The following MEF2C variants were observed in gnomAD, a reference collection of about 807,000 sequenced individuals.
MEF2C encodes the protein myocyte enhancer factor 2C.
A neutral mutation model predicts 50.5 loss-of-function variants in MEF2C; 6 were observed. The ratio of observed to expected loss-of-function variants is 0.12; its 90% CI spans 0.07 to 0.23. The LOEUF is 0.23. Among genes scored for constraint, MEF2C ranks in the 10% least tolerant of loss-of-function variants. MEF2C has a pLI of 1.00. For synonymous variants in MEF2C, 183 were observed against 228.0 expected (o/e 0.80, Z 1.78); for missense variants, 276 against 605.0 (o/e 0.46, Z 5.70).
intron 1 of MEF2C, among the ~76,000 whole-genome samples, chr5:88,854,867 A>G (rs1822712307): frequency 1.3e-5 from 2 of 152,242 alleles, no homozygotes; most frequent in African/African-American, 4.8e-5. Flanking sequence ...GTGATATGAA[A>G]AAAGGACTGC....
At chr5:88,808,768 T>C (rs1801563752) in intron 2 of MEF2C, among the ~76,000 whole-genome samples, 1 of 152,196 alleles carries the variant, frequency 6.6e-6, no homozygotes, top group Non-Finnish European at 1.5e-5. Context: ...TAAAGAGATC[T>C]GGAATATAAC....
chr5:88,858,258 T>A (rs12515983), intron 1 of MEF2C, among the ~76,000 whole-genome samples: 6,054 of 152,268 alleles, frequency 0.04, 185 homozygotes, highest in South Asian at 0.058. Context: ...CATTCAAGCC[T>A]CACCAATCTT....
At chr5:88,768,787 A>T in intron 3 of MEF2C, 1 of 626,410 alleles carries the variant, frequency 1.6e-6, no homozygotes. Flanking sequence ...ACACTACGTT[A>T]AAACTCAATG....
At chr5:88,741,686 CT>C in intron 6 of MEF2C, 2 of 978,906 alleles carry the variant, frequency 2.0e-6, no homozygotes, top group Non-Finnish European at 1.2e-6. Flanking sequence ...TATAGCAGGG[CT>C]TTTTCCTCCT....
chr5:88,808,441 A>G (rs952907229), intron 2 of MEF2C, among the ~76,000 whole-genome samples: 1 of 152,148 alleles, frequency 6.6e-6, no homozygotes, highest in Non-Finnish European at 1.5e-5. Context: ...AATATCATTA[A>G]TGTCACTATT....
At chr5:88,818,946 T>C (rs1169403998) in intron 2 of MEF2C, among the ~76,000 whole-genome samples, 5 of 152,136 alleles carry the variant, frequency 3.3e-5, no homozygotes, top group Non-Finnish European at 5.9e-5. Context: ...ATAGGTAAAT[T>C]TATTGAGCAC....
Position 88,782,058 on chromosome 5 carries a change from A to T in MEF2C, c.259-20730T>A, listed in dbSNP as rs1212394412. 3 of 808,800 alleles carry T rather than the reference A, an allele frequency of 3.7e-6. No homozygotes were observed. The African/African-American group carries it at 5.6e-5, about 15-fold the overall frequency. The allele number at this position is 808,800 out of a possible 1,614,324, so 50.1% of individuals were successfully genotyped here. ...CCAGGAGTTTGAGAAGAGCCCAGGCAACCTAGCGAGACTCTGTCTAAAAAT... is the reference window on the plus strand; with the variant it reads ...CCAGGAGTTTGAGAAGAGCCCAGGCTACCTAGCGAGACTCTGTCTAAAAAT... On this transcript the variant is annotated intron_variant, in intron 3 of 10. Transcript: ENST00000504921.
chr5:88,780,788 G>A, intron 3 of MEF2C: 2 of 985,406 alleles, frequency 2.0e-6, no homozygotes, highest in Non-Finnish European at 2.4e-6. Context: ...GGACACTTGT[G>A]TTATCCTTGC....
chr5:88,743,647 T>A (rs1342366901), intron 6 of MEF2C: 2 of 985,276 alleles, frequency 2.0e-6, no homozygotes, highest in Non-Finnish European at 2.4e-6. Context: ...TCAAAGGTGC[T>A]GAGTCATGAC....
At chr5:88,768,730 A>G in intron 3 of MEF2C, 1 of 982,114 alleles carries the variant, frequency 1.0e-6, no homozygotes, top group Non-Finnish European at 1.2e-6. Context: ...TCAGTGCAGT[A>G]TTTTGCAACT....
chr5:88,818,979 C>T (rs185018963), intron 2 of MEF2C, among the ~76,000 whole-genome samples: 35 of 152,034 alleles, frequency 2.3e-4, no homozygotes, highest in African/African-American at 7.0e-4. Context: ...GGGTGCTTTA[C>T]ATTTATTGCT....
At chr5:88,771,374 AC>A (rs1348216211) in intron 3 of MEF2C, 7 of 923,854 alleles carry the variant, frequency 7.6e-6, no homozygotes, top group Non-Finnish European at 9.0e-6. Flanking sequence ...AGTTACACAA[AC>A]CTTAATTGTC....
intron 3 of MEF2C, among the ~76,000 whole-genome samples, chr5:88,774,842 C>A (rs531727118): frequency 9.1e-4 from 139 of 152,344 alleles, no homozygotes; most frequent in Non-Finnish European, 1.5e-3. Flanking sequence ...TTTCTCAAGG[C>A]TTCTGCTGCA....
At chr5:88,752,699 AC>A (rs1773398540) in intron 4 of MEF2C, 1 of 985,252 alleles carries the variant, frequency 1.0e-6, no homozygotes. Flanking sequence ...AAATGGCAAG[AC>A]CTGTATCTCA....
At chr5:88,767,038 C>G (rs903428114) in intron 3 of MEF2C, among the ~76,000 whole-genome samples, 1 of 152,170 alleles carries the variant, frequency 6.6e-6, no homozygotes, top group African/African-American at 2.4e-5. Flanking sequence ...AAGAATATTT[C>G]CTGAAAGTGT....
chr5:88,812,341 C>T lies in MEF2C; in HGVS notation c.55-7540G>A, dbSNP rs142268359. On this transcript the variant is annotated intron_variant, in intron 2 of 10. Transcript: ENST00000504921. Reference sequence around the variant, plus strand: ...AGGAATTATAGTGTTTTTTGTAATCCAAAATGAATAGCTGAAAATAAATTT... The same window carrying T: ...AGGAATTATAGTGTTTTTTGTAATCTAAAATGAATAGCTGAAAATAAATTT... 4.2e-3 allele frequency among the ~76,000 whole-genome samples: 637 copies of T among 152,100 alleles called. 1 individual carries two copies. The highest frequency in any genetic ancestry group is 4.7e-3 in the Non-Finnish European group (320 of 67,978).
At chr5:88,776,898 G>A (rs1363351304) in intron 3 of MEF2C, among the ~76,000 whole-genome samples, 1 of 152,140 alleles carries the variant, frequency 6.6e-6, no homozygotes, top group Non-Finnish European at 1.5e-5. Flanking sequence ...ACTCAACAAG[G>A]CCAAGTGCAT....
chr5:88,819,033 T>A (rs574317430), intron 2 of MEF2C, among the ~76,000 whole-genome samples: 5 of 151,972 alleles, frequency 3.3e-5, no homozygotes, highest in Non-Finnish European at 7.4e-5. Flanking sequence ...GTACTAACTT[T>A]TTTTCATCCT....
chr5:88,832,544 T>C (rs1813470565), intron 1 of MEF2C, among the ~76,000 whole-genome samples: 1 of 152,122 alleles, frequency 6.6e-6, no homozygotes, highest in Non-Finnish European at 1.5e-5. Context: ...AGCTCATTGA[T>C]TGTGTGCTAC....
Sources: gnomAD v4.1 joint callset for allele counts (sites outside exome capture counted in the v4.1 genomes callset) on GRCh38, gnomAD v4.1.1 for gene constraint, MANE v1.5 for transcripts, NCBI Gene and HGNC (gene_info 2026-07-23, HGNC 2026-07-21) for gene names.